ASXL3: variants seen among roughly 807,000 people sequenced by gnomAD.
ASXL3 encodes the protein ASXL transcriptional regulator 3.
In ASXL3, 34 loss-of-function variants were observed where a neutral mutation model predicts 170.6. That is an observed-to-expected ratio of 0.20 (90% CI 0.15 to 0.27). The LOEUF (loss-of-function observed/expected upper bound fraction) is 0.27, where lower values mean the gene tolerates loss of function less well. ASXL3 is among the 10% of genes least tolerant of loss of function. The pLI, the probability that ASXL3 is intolerant of heterozygous loss-of-function variation, is 1.00. For missense variants in ASXL3, 2,592 were observed against 2,695.3 expected (o/e 0.96, Z 0.85); for synonymous variants, 1,002 against 989.1 (o/e 1.01, Z -0.24).
Position 33,739,450 on chromosome 18 carries a change from A to G in ASXL3, c.2046A>G (p.Pro682=). Residue 682 remains proline, a synonymous_variant, in exon 11 of 12, where the codon CCA becomes CCG. Transcript: ENST00000269197. ...FHASLMSEIS[P]ISTSPEISEA... Reference sequence around the variant, plus strand: ...CATCTTTGATGTCAGAAATATCTCCAATATCCACTTCACCTGAAATATCAG... The same window carrying G: ...CATCTTTGATGTCAGAAATATCTCCGATATCCACTTCACCTGAAATATCAG... 6.2e-7 allele frequency: 1 copy of G among 1,613,994 alleles called. No individual in the cohort carries two copies. The highest frequency in any genetic ancestry group is 8.5e-7 in the Non-Finnish European group (1 of 1,179,874).
rs771839560 is a variant in ASXL3 at position 33,744,861 on chromosome 18, A to C, written c.5013A>C (p.Glu1671Asp). 3.1e-6 allele frequency: 5 copies of C among 1,613,936 alleles called. No homozygotes were observed. The highest frequency in any genetic ancestry group is 4.2e-6 in the Non-Finnish European group (5 of 1,179,902). Reference protein sequence around the residue: ...VTNVALPVKSELHEADKGFRM... With the variant: ...VTNVALPVKSDLHEADKGFRM... ...ATGTTGCTCTTCCTGTGAAATCTGA[A>C]CTTCACGAAGCAGACAAGGGCTTTA... Residue 1671 changes from glutamate to aspartate, a missense_variant, in exon 12 of 12, where the codon GAA (glutamate) becomes GAC (aspartate). Physicochemically the swap from Glu to Asp is conservative, Grantham distance 45. Around this residue, in one of 4 missense-constraint regions of ASXL3, gnomAD observed 2,246 missense variants for 2,219.6 expected, o/e 1.01. Coordinates refer to ENST00000269197, the MANE Select transcript of ASXL3 (RefSeq NM_030632.3).
intron 8 of ASXL3, among the ~76,000 whole-genome samples, chr18:33,700,657 A>C (rs969722826): frequency 1.4e-4 from 22 of 152,134 alleles, no homozygotes; most frequent in African/African-American, 4.8e-4. Flanking sequence ...TTAGAGAGCG[A>C]TAAGGGCCCT....
chr18:33,589,555 A>G (rs2065061184), intron 1 of ASXL3, among the ~76,000 whole-genome samples: 1 of 152,200 alleles, frequency 6.6e-6, no homozygotes, highest in South Asian at 2.1e-4. Context: ...AGTGAGAGAA[A>G]AAAGGCTTGC....
intron 8 of ASXL3, among the ~76,000 whole-genome samples, chr18:33,723,863 C>G (rs1016906544): frequency 2.0e-5 from 3 of 152,150 alleles, no homozygotes; most frequent in African/African-American, 7.2e-5. Flanking sequence ...CCACCAGCCA[C>G]CCTGATCAGT....
intron 2 of ASXL3, 34 bp from the exon 3 acceptor site, chr18:33,644,860 G>A (rs1250131977): frequency 1.4e-5 from 20 of 1,394,662 alleles, no homozygotes; most frequent in Non-Finnish European, 2.0e-5. Flanking sequence ...CTGTACCTCA[G>A]ACTGCTTCAT....
rs185461035 is a variant in ASXL3 at position 33,738,039 on chromosome 18, G to A, written c.1083-448G>A. Among the ~76,000 whole-genome samples, 1,101 of 151,400 alleles carry A rather than the reference G, an allele frequency of 7.3e-3. 15 individuals carry two copies. The highest frequency in any genetic ancestry group is 0.051 in the South Asian group (242 of 4,790). On this transcript the variant is annotated intron_variant, in intron 10 of 11. Coordinates refer to ENST00000269197, the MANE Select transcript of ASXL3 (RefSeq NM_030632.3). ...CCTTTATTAACACTTGGTAAGGCTC[G>A]TATCTCCTTACTTTACAAAATAAAA...
At position 33,743,430 on chromosome 18, in the gene ASXL3, T is replaced by C. The variant is rs765229159; in HGVS notation, c.3582T>C (p.Thr1194=). ...QSLNPSKLPE[T]ATDLSVHSSD... ...TTAACCCAAGTAAACTTCCAGAAAC[T>C]GCCACTGACTTATCTGTGCATAGTT... Residue 1194 remains threonine, a synonymous_variant, in exon 12 of 12, where the codon ACT becomes ACC. Coordinates refer to ENST00000269197, the MANE Select transcript of ASXL3 (RefSeq NM_030632.3). The C allele has an allele frequency of 6.2e-7, 1 of 1,613,444 alleles. No homozygotes were observed. Among genetic ancestry groups the C allele is most frequent in the Non-Finnish European group, 8.5e-7 (1 of 1,179,854 alleles).
intron 2 of ASXL3, among the ~76,000 whole-genome samples, chr18:33,643,187 T>C (rs983483779): frequency 6.6e-6 from 1 of 151,888 alleles, no homozygotes; most frequent in Admixed American, 6.6e-5. Context: ...TTCTATGCTT[T>C]TGTCTGAAGA....
chr18:33,660,461 T>A (rs2066154364), intron 4 of ASXL3, among the ~76,000 whole-genome samples: 1 of 152,144 alleles, frequency 6.6e-6, no homozygotes, highest in African/African-American at 2.4e-5. Context: ...GCTTCCTTTG[T>A]TACTACAATA....
chr18:33,685,175 A>G (rs1359632426), intron 8 of ASXL3, among the ~76,000 whole-genome samples: 1 of 152,210 alleles, frequency 6.6e-6, no homozygotes, highest in Non-Finnish European at 1.5e-5. Context: ...AGGCATGGGA[A>G]ACATGAAAGT....
rs759812028 is a variant in ASXL3, at chr18:33,745,490, A to G, written c.5642A>G (p.Lys1881Arg). ...CCATTTAAGCAAGAATGGCTAAACAAGCACTCCATGCAGAACAGAATTGTT... is the reference window on the plus strand; with the variant it reads ...CCATTTAAGCAAGAATGGCTAAACAGGCACTCCATGCAGAACAGAATTGTT... ...SQPFKQEWLNKHSMQNRIVHS... is the reference protein window; with the variant it reads ...SQPFKQEWLNRHSMQNRIVHS... Residue 1881 changes from lysine (K) to arginine (R), a missense_variant, in exon 12 of 12, where the codon AAG becomes AGG. Transcript: ENST00000269197. 3 of 1,614,054 alleles carry G rather than the reference A, an allele frequency of 1.9e-6. No homozygotes were observed. The highest frequency in any genetic ancestry group is 2.2e-5 in the South Asian group (2 of 91,088).
intron 1 of ASXL3, among the ~76,000 whole-genome samples, chr18:33,582,206 G>T (rs8082751): frequency 2.6e-3 from 401 of 152,198 alleles, no homozygotes; most frequent in Non-Finnish European, 4.9e-3. Flanking sequence ...AACTCATGTC[G>T]AGCTGGGGCT....
At chr18:33,658,964 A>G (rs1021904488) in intron 4 of ASXL3, among the ~76,000 whole-genome samples, 2 of 152,082 alleles carry the variant, frequency 1.3e-5, no homozygotes. Flanking sequence ...GATACAACAT[A>G]TATAAATAGA....
At chr18:33,678,746 C>T (rs1456313244) in intron 7 of ASXL3, among the ~76,000 whole-genome samples, 1 of 152,114 alleles carries the variant, frequency 6.6e-6, no homozygotes, top group Non-Finnish European at 1.5e-5. Context: ...GAGGTACCAA[C>T]TTTAATGAGA....
intron 8 of ASXL3, among the ~76,000 whole-genome samples, chr18:33,693,044 C>T (rs2066710380): frequency 6.6e-6 from 1 of 152,030 alleles, no homozygotes; most frequent in Non-Finnish European, 1.5e-5. Context: ...CCTTAATTAC[C>T]CCTTTAAGAG....
chr18:33,711,446 TTTTA>T (rs1345566099), intron 8 of ASXL3, among the ~76,000 whole-genome samples: 3 of 152,210 alleles, frequency 2.0e-5, no homozygotes, highest in African/African-American at 7.2e-5. Flanking sequence ...ATTAACTGCA[TTTTA>T]TTTCTTTTTA....
At chr18:33,654,360 T>C (rs1359424486) in intron 4 of ASXL3, among the ~76,000 whole-genome samples, 2 of 152,062 alleles carry the variant, frequency 1.3e-5, no homozygotes, top group Non-Finnish European at 2.9e-5. Context: ...AACAAAACAC[T>C]CATGTTCTTT....
intron 1 of ASXL3, among the ~76,000 whole-genome samples, chr18:33,586,925 C>T (rs1173514247): frequency 2.0e-5 from 3 of 152,176 alleles, no homozygotes; most frequent in Non-Finnish European, 4.4e-5. Context: ...TGTCCCTAAG[C>T]ACATGGTGTC....
rs962890956 is a variant in ASXL3, at chr18:33,748,212, C to T, written c.*1617C>T. ...ATCACTGTAAACTTTTTGACATTCC[C>T]GTAAAACACGTCTTAAAAGTTGACT... On this transcript the variant is annotated 3_prime_UTR_variant, in exon 12 of 12. Coordinates refer to ENST00000269197, the MANE Select transcript of ASXL3 (RefSeq NM_030632.3). 5.3e-5 allele frequency: 8 copies of T among 151,966 alleles called. No homozygotes were observed. Among genetic ancestry groups the T allele is most frequent in the Non-Finnish European group, 5.9e-5 (4 of 68,008 alleles). 9.4% of individuals were successfully genotyped at this position (151,966 alleles called of 1,614,324 possible).
Sources: gnomAD v4.1 joint callset for allele counts (sites outside exome capture counted in the v4.1 genomes callset) on GRCh38, gnomAD v4.1.1 for gene constraint, gnomAD v4.1.1 regional missense constraint, MANE v1.5 for transcripts, NCBI Gene and HGNC (gene_info 2026-07-23, HGNC 2026-07-21) for gene names.